The following TFB1M variants were observed in gnomAD, a reference collection of about 807,000 sequenced individuals.
TFB1M encodes the protein dimethyladenosine transferase 1, mitochondrial.
In TFB1M, 27 loss-of-function variants were observed where a neutral mutation model predicts 31.1. That is an observed-to-expected ratio of 0.87 (90% CI 0.64 to 1.20). The LOEUF (loss-of-function observed/expected upper bound fraction) is 1.20. Ranked by LOEUF, TFB1M falls within the 50% of genes most tolerant of loss-of-function variation. TFB1M has a pLI of 0.00. For missense variants in TFB1M, 394 were observed against 418.7 expected, an observed-to-expected ratio of 0.94 and a Z score of 0.51; for synonymous variants, 166 against 151.8, an observed-to-expected ratio of 1.09 and a Z score of -0.69.
In TFB1M at chr6:155,314,451, A is replaced by C. The variant is rs162981; in HGVS notation, c.-23T>G. 0.63 allele frequency: 1,010,105 copies of C among 1,613,460 alleles called. 319,329 individuals are homozygous for C. The highest frequency in any genetic ancestry group is 0.82 in the East Asian group (36,690 of 44,866). On this transcript the variant is annotated 5_prime_UTR_variant, in exon 1 of 7. Coordinates refer to ENST00000367166, the MANE Select transcript of TFB1M (RefSeq NM_016020.4). Reference sequence around the variant, plus strand: ...CATGATACGCGGCAAGCACCATCCAACCCTACCTCACCCAGGACCTTCACC... The same window carrying C: ...CATGATACGCGGCAAGCACCATCCACCCCTACCTCACCCAGGACCTTCACC...
chr6:155,297,481 C>T (rs1254268512), intron 3 of TFB1M, among the ~76,000 whole-genome samples: 1 of 152,090 alleles, frequency 6.6e-6, no homozygotes, highest in Non-Finnish European at 1.5e-5. Context: ...GAAGGGGGTA[C>T]AGGCAGCATA....
chr6:155,297,075 G>T lies in TFB1M; in HGVS notation c.424C>A (p.Leu142Met). 6.2e-7 allele frequency: 1 copy of T among 1,613,828 alleles called. No individual in the cohort carries two copies. Among genetic ancestry groups the T allele is most frequent in the Admixed American group, 1.7e-5 (1 of 60,030 alleles). Residue 142 changes from leucine to methionine, a missense_variant, in exon 4 of 7, where the codon CTG becomes ATG. By Grantham distance (15) the Leu-to-Met change is conservative (BLOSUM62 2). Around this residue, in one of 3 missense-constraint regions of TFB1M, gnomAD observed 273 missense variants for 256.4 expected, o/e 1.06. Transcript: ENST00000367166. The stretch of plus-strand genomic sequence containing the variant: ...AGTGGAGTTGAAACACTAAAAGGCA[G>T]ATTTCCAATAATATGTACATTTGGA... Reference protein sequence around the residue: ...DPPNVHIIGNLPFSVSTPLII... With the variant: ...DPPNVHIIGNMPFSVSTPLII...
intron 5 of TFB1M, chr6:155,276,485 A>G: frequency 9.7e-7 from 1 of 1,026,450 alleles, no homozygotes; most frequent in South Asian, 1.7e-5. Context: ...AGAAAGTAGA[A>G]TGTAAAATAC....
intron 5 of TFB1M, chr6:155,276,508 A>C: frequency 2.5e-6 from 2 of 806,580 alleles, no homozygotes; most frequent in Non-Finnish European, 3.9e-6. Flanking sequence ...TAACAACTAC[A>C]AAGTAGTTTA....
chr6:155,254,653 C>G, downstream of TFB1M: 2 of 1,527,150 alleles, frequency 1.3e-6, no homozygotes, highest in Non-Finnish European at 1.8e-6. Context: ...TGTAACATAG[C>G]TGTGACTTTT....
intron 2 of TFB1M, among the ~76,000 whole-genome samples, chr6:155,298,893 CTATCAA>C (rs1331338333): frequency 6.6e-6 from 1 of 152,054 alleles, no homozygotes; most frequent in Non-Finnish European, 1.5e-5. Context: ...AAACTCACTC[CTATCAA>C]TAAGTTTTTA....
chr6:155,309,982 T>C (rs1777948580), intron 2 of TFB1M, among the ~76,000 whole-genome samples: 1 of 152,186 alleles, frequency 6.6e-6, no homozygotes, highest in Admixed American at 6.6e-5. Context: ...AAATATTATG[T>C]AATTTTTTAA....
At chr6:155,235,030 C>G in the TFB1M span, among the ~76,000 whole-genome samples, 100,017 of 151,786 alleles carry the variant, frequency 0.66, 34,131 homozygotes, top group African/African-American at 0.73. Context: ...AGACAGAGCA[C>G]AGCTAGAGAG....
At chr6:155,296,426 A>ATTTTTTTTTTT (rs71023639) in intron 4 of TFB1M, among the ~76,000 whole-genome samples, 359 of 103,434 alleles carry the variant, frequency 3.5e-3, no homozygotes, top group East Asian at 7.3e-3. Context: ...CACCCAGCTA[A>ATTTTTTTTTTT]TTTTTTTTTT....
At chr6:155,273,772 T>G (rs1376439653) in intron 5 of TFB1M, among the ~76,000 whole-genome samples, 1 of 152,184 alleles carries the variant, frequency 6.6e-6, no homozygotes, top group Non-Finnish European at 1.5e-5. Flanking sequence ...TGCTGAAGAC[T>G]GTATGACATG....
At chr6:155,261,003 CTGTT>C (rs1268248545) in intron 5 of TFB1M, 2 of 167,686 alleles carry the variant, frequency 1.2e-5, no homozygotes, top group African/African-American at 4.8e-5. Context: ...AAAAATGTCA[CTGTT>C]TGATAGTGTT....
the TFB1M span, among the ~76,000 whole-genome samples, chr6:155,245,285 C>G: frequency 6.6e-6 from 1 of 152,244 alleles, no homozygotes; most frequent in African/African-American, 2.4e-5. Flanking sequence ...GCATCACTCT[C>G]CCCAAGCAAT....
rs549686933 is a variant in TFB1M at position 155,273,975 on chromosome 6, A to G, written c.666+11183T>C. On this transcript the variant is annotated intron_variant, in intron 5 of 6. Coordinates refer to ENST00000367166, the MANE Select transcript of TFB1M (RefSeq NM_016020.4). ...ATAAGAAATAAAAATACTAATAATGATGTCAATTTTAAATTACTGAGGACT... is the reference window on the plus strand; with the variant it reads ...ATAAGAAATAAAAATACTAATAATGGTGTCAATTTTAAATTACTGAGGACT... Among the ~76,000 whole-genome samples, 3 of 152,362 alleles carry G rather than the reference A, an allele frequency of 2.0e-5. No individual in the cohort carries two copies. The South Asian group carries it at 6.2e-4, about 32-fold the overall frequency.
chr6:155,267,830 A>G (rs897251943), intron 5 of TFB1M, among the ~76,000 whole-genome samples: 3 of 152,266 alleles, frequency 2.0e-5, no homozygotes, highest in Non-Finnish European at 4.4e-5. Context: ...ACAGAAAAAC[A>G]GAATGAGCTG....
downstream of TFB1M, chr6:155,252,040 T>C: frequency 6.6e-7 from 1 of 1,519,634 alleles, no homozygotes; most frequent in Non-Finnish European, 9.1e-7. Context: ...AGCTACCTTT[T>C]CATAGCTGTA....
the TFB1M span, among the ~76,000 whole-genome samples, chr6:155,238,040 C>T: frequency 6.6e-6 from 1 of 152,222 alleles, no homozygotes; most frequent in East Asian, 1.9e-4. Context: ...AAGTTTTATG[C>T]TCTGCCTCCT....
chr6:155,298,727 C>A, intron 2 of TFB1M, 142 bp from the exon 3 acceptor site: 1 of 652,626 alleles, frequency 1.5e-6, no homozygotes. Flanking sequence ...TACTGCATCA[C>A]GTCTATTGCA....
At chr6:155,275,604 T>C (rs954386379) in intron 5 of TFB1M, 9 of 1,117,678 alleles carry the variant, frequency 8.1e-6, no homozygotes, top group East Asian at 4.8e-5. Flanking sequence ...TGGTTTTGCC[T>C]TTTTTCCTTA....
chr6:155,294,393 A>G (rs963010821), intron 4 of TFB1M, among the ~76,000 whole-genome samples: 1 of 152,270 alleles, frequency 6.6e-6, no homozygotes, highest in African/African-American at 2.4e-5. Context: ...CATGCAATAG[A>G]GTAGAAGAAA....
Sources: allele counts gnomAD v4.1 joint callset (sites outside exome capture counted in the v4.1 genomes callset), GRCh38; gene constraint gnomAD v4.1.1; regional missense constraint gnomAD v4.1.1; transcripts MANE v1.5; gene names NCBI Gene and HGNC (gene_info 2026-07-23, HGNC 2026-07-21).